Variants in CD22 observed in about 807,000 individuals in gnomAD.
CD22 encodes B-cell receptor CD22.
Under a neutral mutation model 94.7 loss-of-function variants are expected in CD22, and 51 were observed. That is an observed-to-expected ratio of 0.54 (90% confidence interval 0.43 to 0.68). CD22 has a LOEUF of 0.68. Ranked by LOEUF, CD22 falls within the 30% of genes least tolerant of loss-of-function variation. CD22 has a pLI of 0.00. For missense variants in CD22, 931 were observed against 1,060.4 expected (o/e 0.88, Z 1.69); for synonymous variants, 424 against 422.5 (o/e 1.00, Z -0.04).
At chr19:35,331,985 C>G in intron 1 of CD22, 34 bp from the exon 2 acceptor site, 1 of 1,613,566 alleles carries the variant, frequency 6.2e-7, no homozygotes, top group Non-Finnish European at 8.5e-7. Context: ...AGTAAGCGGC[C>G]AGATGGCTCA....
chr19:35,343,265 A>C (rs2066846093), intron 9 of CD22, among the ~76,000 whole-genome samples: 1 of 152,014 alleles, frequency 6.6e-6, no homozygotes, highest in South Asian at 2.1e-4. Flanking sequence ...TCATACAAGC[A>C]CCTGGTAAAA....
rs751969815 is a variant in CD22, at chr19:35,341,925, G to A, written c.1995G>A (p.Val665=). ...ACTGGTGCCAGGGGACCAACAGTGT[G>A]GGCAAGGGCCGTTCGCCTCTCAGCA... ...GAYWCQGTNS[V]GKGRSPLSTL... Residue 665 remains valine (V), a synonymous_variant, in exon 9 of 14, where the codon GTG becomes GTA. Transcript: ENST00000085219. This position sits in a 1 kb window ranked among gnomAD's most constrained non-coding sequence, Gnocchi z 4.0. 2.5e-6 allele frequency: 4 copies of A among 1,613,754 alleles called. No individual in the cohort carries two copies. The highest frequency in any genetic ancestry group is 1.3e-5 in the African/African-American group (1 of 74,854).
intron 3 of CD22, among the ~76,000 whole-genome samples, chr19:35,335,508 G>T (rs1042014683): frequency 4.6e-5 from 7 of 152,042 alleles, no homozygotes; most frequent in African/African-American, 1.7e-4. Flanking sequence ...AGTGAGCTAG[G>T]ATTGCGCCAC....
chr19:35,336,366 G>A (rs1158384151), intron 4 of CD22, 25 bp downstream of exon 4: 4 of 1,606,218 alleles, frequency 2.5e-6, no homozygotes, highest in African/African-American at 1.3e-5. Context: ...CATGCCTGTG[G>A]GAAGGGCAAG....
Position 35,329,241 on chromosome 19 carries a change from T to G in CD22, c.-23+11T>G, listed in dbSNP as rs1027210537. The G allele has an allele frequency of 1.2e-5, 15 of 1,288,928 alleles. No homozygotes were observed. The highest frequency in any genetic ancestry group is 1.4e-5 in the Non-Finnish European group (14 of 988,184). The allele number at this position is 1,288,928 out of a possible 1,614,324, so 79.8% of individuals were successfully genotyped here. On this transcript the variant is annotated intron_variant, in intron 1 of 13. Coordinates refer to ENST00000085219, the MANE Select transcript of CD22 (RefSeq NM_001771.4). The stretch of plus-strand genomic sequence containing the variant: ...GACACGCGGAAACAGGTAAAAATCA[T>G]TTTGCTTTTATTTTGCATTCAACAA...
At position 35,341,341 on chromosome 19, in the gene CD22, A is replaced by G; in HGVS notation, c.1508-2A>G. 6.2e-7 allele frequency: 1 copy of G among 1,612,934 alleles called. No homozygotes were observed. The highest frequency in any genetic ancestry group is 8.5e-7 in the Non-Finnish European group (1 of 1,179,198). On this transcript the variant is annotated splice_acceptor_variant, in intron 7 of 13. Transcript: ENST00000085219. LOFTEE classifies it high-confidence loss of function. The surrounding 1 kb of genome is among the most constrained non-coding windows in gnomAD (Gnocchi z 4.0). ...GGTCAGCTTGGGACCCTTGCCCTCC[A>G]GATGCCCCCCGAGACGTGAGGGTCC...
In CD22 at chr19:35,331,867, G is replaced by A. The variant is rs1012166957; in HGVS notation, c.-22-152G>A. ...GTCTCAAAAAAAAAGAAAGAACTCC[G>A]TGAGCATCCCAAATGCCACATCCCC... is the stretch of plus-strand genomic sequence containing the variant. On this transcript the variant is annotated intron_variant, in intron 1 of 13. Coordinates refer to ENST00000085219, the MANE Select transcript of CD22 (RefSeq NM_001771.4). 1.1e-5 allele frequency: 17 copies of A among 1,483,442 alleles called. No individual in the cohort carries two copies. In the South Asian group the frequency reaches 1.6e-4, roughly 14 times the overall value. 91.9% of individuals were successfully genotyped at this position (1,483,442 alleles called of 1,614,324 possible). A position where few individuals can be genotyped will look rare whatever the true frequency, so the allele number is the denominator to read the frequency against.
chr19:35,336,619 A>T, intron 4 of CD22: 1 of 474,636 alleles, frequency 2.1e-6, no homozygotes, highest in South Asian at 2.5e-5. Flanking sequence ...TCGCATCATT[A>T]TCTTGTGCCT....
chr19:35,342,574 C>A (rs1174188731), intron 9 of CD22, among the ~76,000 whole-genome samples: 2 of 152,084 alleles, frequency 1.3e-5, no homozygotes. Context: ...TCCCCTTTCC[C>A]ATTCACACCC....
At chr19:35,343,139 G>A (rs1276928540) in intron 9 of CD22, among the ~76,000 whole-genome samples, 4 of 144,668 alleles carry the variant, frequency 2.8e-5, no homozygotes, top group Non-Finnish European at 6.0e-5. Flanking sequence ...TCACCCTGTT[G>A]CACAGGTTGG....
intron 12 of CD22, 105 bp from the exon 13 acceptor site, chr19:35,346,046 T>C (rs139782521): frequency 6.5e-4 from 550 of 850,014 alleles, no homozygotes; most frequent in Non-Finnish European, 1.0e-3. Flanking sequence ...AGGTTTTACA[T>C]AAGGGGCTGA....
At chr19:35,339,236 C>T (rs1390031839) in intron 6 of CD22, among the ~76,000 whole-genome samples, 3 of 148,716 alleles carry the variant, frequency 2.0e-5, no homozygotes, top group Non-Finnish European at 4.5e-5. Flanking sequence ...AGACCTGGGT[C>T]TCAAAAAGAA....
chr19:35,341,736 G>C lies in CD22; in HGVS notation c.1806G>C (p.Pro602=), dbSNP rs138249765. The change falls in exon 9 of 14, where the codon CCG becomes CCC. Residue 602 remains proline, a synonymous_variant. Transcript: ENST00000085219. This position sits in a 1 kb window ranked among gnomAD's most constrained non-coding sequence, Gnocchi z 4.0. ...APRRLRVSMS[P]GDQVMEGKSA... ...GGAGGCTGCGTGTGTCCATGAGCCC[G>C]GGGGACCAAGTGATGGAGGGGAAGA... The C allele has an allele frequency of 8.1e-6, 13 of 1,610,730 alleles. 1 individual carries two copies. Among genetic ancestry groups the C allele is most frequent in the African/African-American group, 8.0e-5 (6 of 74,888 alleles).
At chr19:35,346,525 G>A (rs12985354) in intron 13 of CD22, 41 bp from the exon 14 acceptor site, 474,029 of 1,573,200 alleles carry the variant, frequency 0.3, 73,023 homozygotes, top group African/African-American at 0.4. Flanking sequence ...GTGGAGGCTG[G>A]CGACAGTGGG....
chr19:35,340,766 TAA>T (rs2066796046), intron 6 of CD22, 113 bp from the exon 7 acceptor site: 1 of 1,123,306 alleles, frequency 8.9e-7, no homozygotes. Context: ...CCCCTTTGAT[TAA>T]TTTAGGACCT....
chr19:35,335,198 G>A (rs1229728076), intron 3 of CD22, among the ~76,000 whole-genome samples: 2 of 152,064 alleles, frequency 1.3e-5, no homozygotes, highest in Non-Finnish European at 2.9e-5. Flanking sequence ...TCCCAAGGAG[G>A]CTTAGTGTGG....
intron 3 of CD22, among the ~76,000 whole-genome samples, chr19:35,333,249 C>T (rs1348501110): frequency 6.6e-6 from 1 of 152,200 alleles, no homozygotes; most frequent in Admixed American, 6.5e-5. Context: ...ACCATCCAAG[C>T]ACCGCATTCC....
intron 9 of CD22, among the ~76,000 whole-genome samples, chr19:35,344,021 C>T (rs2066859681): frequency 2.0e-5 from 3 of 152,204 alleles, no homozygotes; most frequent in Admixed American, 6.5e-5. Flanking sequence ...AATGGTGAAA[C>T]CCCATCTCTA....
In CD22 at chr19:35,329,228, C is replaced by T. The variant is rs1331405000; in HGVS notation, c.-25C>T. On this transcript the variant is annotated splice_region_variant and 5_prime_UTR_variant, in exon 1 of 14. It introduces an in-frame stop codon into an upstream open reading frame of the 5' UTR. Coordinates refer to ENST00000085219, the MANE Select transcript of CD22 (RefSeq NM_001771.4). ...CCTGAAGAGGGAAGACACGCGGAAACAGGTAAAAATCATTTTGCTTTTATT... is the reference window on the plus strand; with the variant it reads ...CCTGAAGAGGGAAGACACGCGGAAATAGGTAAAAATCATTTTGCTTTTATT... 1.6e-6 allele frequency: 2 copies of T among 1,289,348 alleles called. No individual in the cohort carries two copies. The highest frequency in any genetic ancestry group is 4.6e-5 in the Admixed American group (2 of 43,540). 79.9% of individuals were successfully genotyped at this position (1,289,348 alleles called of 1,614,324 possible).
Sources: gnomAD v4.1 joint callset for allele counts (sites outside exome capture counted in the v4.1 genomes callset) on GRCh38, gnomAD v4.1.1 for gene constraint, Gnocchi (gnomAD v3.1) non-coding constraint, MANE v1.5 for transcripts, NCBI Gene and HGNC (gene_info 2026-07-23, HGNC 2026-07-21) for gene names.